Variants in OGDH observed in about 807,000 individuals in gnomAD.
OGDH encodes oxoglutarate dehydrogenase.
A neutral mutation model predicts 116.6 loss-of-function variants in OGDH; 38 were observed. The ratio of observed to expected loss-of-function variants is 0.33; its 90% CI spans 0.25 to 0.43. The LOEUF (loss-of-function observed/expected upper bound fraction) is 0.43, where lower values mean the gene tolerates loss of function less well. Among genes scored for constraint, OGDH ranks in the 20% least tolerant of loss-of-function variants. The pLI is 1.00. For synonymous variants in OGDH, 488 were observed against 533.3 expected (o/e 0.92, Z 1.17); for missense variants, 825 against 1,357.2 (o/e 0.61, Z 6.16).
chr7:44,645,462 G>A lies in OGDH; in HGVS notation c.358G>A (p.Val120Met), dbSNP rs144802443. ...GTCCCTGGTAGAAGCACAGCCCAAC[G>A]TGGACAAGCTCGTGGAGGACCACCT... The part of the protein sequence containing the change: ...AQSLVEAQPN[V>M]DKLVEDHLAV... Residue 120 changes from valine (V) to methionine (M), a missense_variant, in exon 3 of 23, where the codon GTG becomes ATG. Transcript: ENST00000222673. The A allele has an allele frequency of 1.4e-5, 23 of 1,614,190 alleles. No individual in the cohort carries two copies. The highest frequency in any genetic ancestry group is 3.3e-5 in the Admixed American group (2 of 60,026).
chr7:44,635,663 T>C (rs1327216925), intron 2 of OGDH, among the ~76,000 whole-genome samples: 1 of 152,084 alleles, frequency 6.6e-6, no homozygotes, highest in African/African-American at 2.4e-5. Flanking sequence ...ATGTTCCTCA[T>C]CAACTTCTTG....
rs568922709 is a variant in OGDH, at chr7:44,616,757, A to G, written c.-27-7560A>G. On this transcript the variant is annotated intron_variant, in intron 1 of 22. Transcript: ENST00000222673. ...TATACGTATATAAGTGTATATGTGTATATATATACACGTATATGTGTATAT... is the reference window on the plus strand; with the variant it reads ...TATACGTATATAAGTGTATATGTGTGTATATATACACGTATATGTGTATAT... Among the ~76,000 whole-genome samples, 638 of 138,802 alleles carry G rather than the reference A, an allele frequency of 4.6e-3. 6 individuals are homozygous for G. The highest frequency in any genetic ancestry group is 0.017 in the African/African-American group (592 of 34,460). 91.1% of individuals were successfully genotyped at this position (138,802 alleles called of 152,430 possible).
intron 9 of OGDH, among the ~76,000 whole-genome samples, chr7:44,677,719 A>G (rs1787760573): frequency 6.6e-6 from 1 of 151,892 alleles, no homozygotes; most frequent in African/African-American, 2.4e-5. Context: ...AAATACAAAA[A>G]AAAAATTAGC....
intron 1 of OGDH, among the ~76,000 whole-genome samples, chr7:44,616,037 A>G (rs950217099): frequency 1.3e-5 from 2 of 151,878 alleles, no homozygotes; most frequent in Admixed American, 1.3e-4. Context: ...AGAAAGAAAA[A>G]AAAAAAAAAC....
intron 12 of OGDH, among the ~76,000 whole-genome samples, chr7:44,695,433 G>T (rs959976132): frequency 6.6e-6 from 1 of 152,184 alleles, no homozygotes; most frequent in African/African-American, 2.4e-5. Flanking sequence ...TGGGCTGGGC[G>T]TGGTGGCTCA....
intron 10 of OGDH, among the ~76,000 whole-genome samples, chr7:44,693,055 TC>T (rs1788429728): frequency 6.6e-6 from 1 of 151,700 alleles, no homozygotes; most frequent in Non-Finnish European, 1.5e-5. Flanking sequence ...ACTCCTGTAA[TC>T]CCAGCACTTT....
chr7:44,614,477 CA>C (rs1784693557), intron 1 of OGDH, among the ~76,000 whole-genome samples: 1 of 152,044 alleles, frequency 6.6e-6, no homozygotes, highest in South Asian at 2.1e-4. Context: ...CTTCTGCCTT[CA>C]TCAGGGACTC....
chr7:44,698,354 G>A, intron 18 of OGDH, 91 bp downstream of exon 18: 6 of 1,320,474 alleles, frequency 4.5e-6, no homozygotes, highest in South Asian at 1.2e-5. Context: ...ATCCTGAAGT[G>A]GCAGACCGTG....
intron 2 of OGDH, among the ~76,000 whole-genome samples, chr7:44,640,916 A>G (rs113103689): frequency 6.7e-5 from 10 of 149,686 alleles, no homozygotes; most frequent in Admixed American, 4.7e-4. Flanking sequence ...TTTCTTTGAG[A>G]CAGAGTCTCG....
chr7:44,630,388 AG>A (rs1452092849), intron 2 of OGDH, among the ~76,000 whole-genome samples: 2 of 152,244 alleles, frequency 1.3e-5, no homozygotes, highest in Non-Finnish European at 2.9e-5. Flanking sequence ...TCACGTGACA[AG>A]GAACAGCTGT....
rs368953616 is a variant in OGDH at position 44,700,161 on chromosome 7, C to T, written c.2451C>T (p.Phe817=). ...DVLPDLKEAN[F]DINQLYDCNW... Reference sequence around the variant, plus strand: ...TGCAGGACCTTAAAGAAGCCAACTTCGACATCAATCAGCTATATGACTGCA... The same window carrying T: ...TGCAGGACCTTAAAGAAGCCAACTTTGACATCAATCAGCTATATGACTGCA... Residue 817 remains phenylalanine, a synonymous_variant, in exon 19 of 23, where the codon TTC becomes TTT. Coordinates refer to ENST00000222673, the MANE Select transcript of OGDH (RefSeq NM_002541.4). 1.5e-5 allele frequency: 24 copies of T among 1,614,076 alleles called. No individual in the cohort carries two copies. Among genetic ancestry groups the T allele is most frequent in the African/African-American group, 4.0e-5 (3 of 74,932 alleles).
chr7:44,635,160 G>A (rs1044998609), intron 2 of OGDH, among the ~76,000 whole-genome samples: 1 of 152,174 alleles, frequency 6.6e-6, no homozygotes, highest in Non-Finnish European at 1.5e-5. Flanking sequence ...CAGCAGCGCC[G>A]GCTGAACTCC....
At chr7:44,700,351 T>C (rs1041008309) in intron 19 of OGDH, 82 bp downstream of exon 19, 3 of 1,562,288 alleles carry the variant, frequency 1.9e-6, no homozygotes, top group African/African-American at 2.7e-5. Flanking sequence ...GAGAGCCTCT[T>C]GCTTGGGGTT....
chr7:44,608,201 G>A (rs532553497), intron 1 of OGDH, among the ~76,000 whole-genome samples: 1 of 152,268 alleles, frequency 6.6e-6, no homozygotes, highest in East Asian at 1.9e-4. Flanking sequence ...AGTTCAAGGA[G>A]ACCAGCCTGA....
At chr7:44,625,741 A>G (rs766701763) in intron 2 of OGDH, among the ~76,000 whole-genome samples, 1 of 152,204 alleles carries the variant, frequency 6.6e-6, no homozygotes, top group African/African-American at 2.4e-5. Context: ...CTTATCACCA[A>G]AAGGAAGTCT....
chr7:44,701,722 C>A, intron 20 of OGDH, 107 bp downstream of exon 20: 2 of 1,132,722 alleles, frequency 1.8e-6, no homozygotes, highest in Non-Finnish European at 2.6e-6. Flanking sequence ...TTCTCACTGG[C>A]TCTTGCCAGA....
At position 44,689,392 on chromosome 7, in the gene OGDH, C is replaced by CTTTT. The variant is rs561058807; in HGVS notation, c.1336-4410_1336-4407dup. Among the ~76,000 whole-genome samples the CTTTT allele has an allele frequency of 8.6e-4, 61 of 71,272 alleles. 2 individuals carry two copies. The highest frequency in any genetic ancestry group is 2.7e-3 in the African/African-American group (47 of 17,092). The allele number at this position is 71,272 out of a possible 152,430, so 46.8% of individuals were successfully genotyped here. On this transcript the variant is annotated intron_variant, in intron 10 of 22. Transcript: ENST00000222673. ...CACCACTCCCAGCTAATTTTTTTTTCTTTTTTTTTTTTTTTTTTTTTTTTT... is the reference window on the plus strand; with the variant it reads ...CACCACTCCCAGCTAATTTTTTTTTCTTTTTTTTTTTTTTTTTTTTTTTTTTTTT...
chr7:44,700,413 G>GC, intron 19 of OGDH, 144 bp downstream of exon 19: 1 of 1,056,332 alleles, frequency 9.5e-7, no homozygotes, highest in South Asian at 1.6e-5. Context: ...GTGTCAGGGA[G>GC]CCTCGCCCTT....
At chr7:44,675,765 T>G (rs944291065) in intron 8 of OGDH, among the ~76,000 whole-genome samples, 1 of 151,390 alleles carries the variant, frequency 6.6e-6, no homozygotes, top group Non-Finnish European at 1.5e-5. Flanking sequence ...TAATCCCAGC[T>G]ACTCGGGAGG....
Sources: gnomAD v4.1 joint callset for allele counts (sites outside exome capture counted in the v4.1 genomes callset) on GRCh38, gnomAD v4.1.1 for gene constraint, MANE v1.5 for transcripts, NCBI Gene and HGNC (gene_info 2026-07-23, HGNC 2026-07-21) for gene names.